The following VRTN variants were observed in gnomAD, a reference collection of about 807,000 sequenced individuals.
VRTN encodes vertebrae development associated.
In VRTN, 5 loss-of-function variants were observed where a neutral mutation model predicts 18.2. The ratio of observed to expected loss-of-function variants is 0.27; its 90% CI spans 0.14 to 0.58. VRTN has a LOEUF of 0.58. VRTN is among the 20% of genes least tolerant of loss of function. VRTN has a pLI of 0.91. For missense variants in VRTN, 741 were observed against 939.4 expected (o/e 0.79, Z 2.76); for synonymous variants, 381 against 393.7 (o/e 0.97, Z 0.38).
At chr14:74,351,105 G>C (rs549557907) in intron 1 of VRTN, among the ~76,000 whole-genome samples, 1 of 152,292 alleles carries the variant, frequency 6.6e-6, no homozygotes, top group Admixed American at 6.5e-5. Flanking sequence ...TTGTAAAATA[G>C]CATTCAACAA....
intron 1 of VRTN, among the ~76,000 whole-genome samples, chr14:74,335,418 C>T (rs1356602854): frequency 3.3e-5 from 5 of 152,172 alleles, no homozygotes; most frequent in African/African-American, 1.2e-4. Context: ...GGTCCAAGTA[C>T]ATACCTCTCT....
Position 74,312,265 on chromosome 14 carries a change from T to C in VRTN, c.-164+9089T>C, listed in dbSNP as rs370642176. Among the ~76,000 whole-genome samples the C allele has an allele frequency of 2.0e-5, 3 of 152,198 alleles. No homozygotes were observed. In the East Asian group the frequency reaches 5.8e-4, roughly 29 times the overall value. The stretch of plus-strand genomic sequence containing the variant: ...GCTGCAATTAACATCTTTGGATATA[T>C]CCCAAATATAGCTAAGTTTAAAAGA... On this transcript the variant is annotated intron_variant, in intron 1 of 2. Transcript: ENST00000557177.
At chr14:74,314,394 CTT>C (rs10676222) in intron 1 of VRTN, among the ~76,000 whole-genome samples, 9 of 108,760 alleles carry the variant, frequency 8.3e-5, no homozygotes, top group East Asian at 2.8e-4. Flanking sequence ...AAAAACTGTT[CTT>C]TTTTTTTTTT....
At chr14:74,331,700 C>T (rs1408919986) in intron 1 of VRTN, among the ~76,000 whole-genome samples, 1 of 149,072 alleles carries the variant, frequency 6.7e-6, no homozygotes, top group Non-Finnish European at 1.5e-5. Flanking sequence ...AATTTTAGTG[C>T]CTGCAGAATA....
chr14:74,316,372 C>CACTAG (rs1210350609), intron 1 of VRTN, among the ~76,000 whole-genome samples: 1 of 151,686 alleles, frequency 6.6e-6, no homozygotes, highest in Non-Finnish European at 1.5e-5. Context: ...AAAAATTAGC[C>CACTAG]AGGTGTGTCG....
At chr14:74,340,530 A>G (rs2085597680) in intron 2 of VRTN, among the ~76,000 whole-genome samples, 1 of 152,154 alleles carries the variant, frequency 6.6e-6, no homozygotes, top group African/African-American at 2.4e-5. Context: ...GGCGTGAGCC[A>G]CCATACCCGG....
chr14:74,356,186 AT>A (rs1056025422), intron 1 of VRTN, among the ~76,000 whole-genome samples: 18 of 147,990 alleles, frequency 1.2e-4, no homozygotes, highest in Middle Eastern at 3.8e-3. Flanking sequence ...TATTTTATTA[AT>A]TTTTTTTTCC....
chr14:74,356,912 C>T lies in VRTN; in HGVS notation c.129C>T (p.Leu43=). The T allele has an allele frequency of 6.2e-7, 1 of 1,614,056 alleles. No homozygotes were observed. Among genetic ancestry groups the T allele is most frequent in the African/African-American group, 1.3e-5 (1 of 75,030 alleles). Residue 43 remains leucine (L), a synonymous_variant, in exon 2 of 2, where the codon CTC becomes CTT. Coordinates refer to ENST00000256362, the MANE Select transcript of VRTN (RefSeq NM_018228.3). ...AGCAGGTCCTGTCTTCCTTCACTCT[C>T]CCCACCTGCCGGGAGGGAGGCCCTG... ...EAKQVLSSFT[L]PTCREGGPGL...
Position 74,357,394 on chromosome 14 carries a change from G to A in VRTN, c.611G>A (p.Arg204His), listed in dbSNP as rs1382404427. The A allele has an allele frequency of 1.1e-5, 18 of 1,613,290 alleles. No individual in the cohort carries two copies. Among genetic ancestry groups the A allele is most frequent in the Non-Finnish European group, 1.4e-5 (17 of 1,180,004 alleles). The change falls in exon 2 of 2, where the codon CGT becomes CAT. Residue 204 changes from arginine to histidine, a missense_variant. By Grantham distance (29) the Arg-to-His change is conservative. Coordinates refer to ENST00000256362, the MANE Select transcript of VRTN (RefSeq NM_018228.3). The surrounding 1 kb of genome is among the most constrained non-coding windows in gnomAD (Gnocchi z 7.8). ...RNLKIRPYFN[R>H]VIRPRRCDHV... ...CTCAAGATCCGGCCCTACTTCAACC[G>A]TGTCATCCGGCCCCGCCGCTGCGAC...
chr14:74,340,307 T>C (rs1178570200), intron 2 of VRTN, among the ~76,000 whole-genome samples: 1 of 152,188 alleles, frequency 6.6e-6, no homozygotes, highest in Non-Finnish European at 1.5e-5. Context: ...AGACGGTGTT[T>C]CTCCATGTTG....
At chr14:74,324,408 AGAAGG>A (rs2085475530) in intron 1 of VRTN, among the ~76,000 whole-genome samples, 2 of 112,490 alleles carry the variant, frequency 1.8e-5, no homozygotes, top group Non-Finnish European at 3.9e-5. Context: ...AAAAAAAAAA[AGAAGG>A]ATTTATTTTA....
chr14:74,311,451 C>T (rs543531782), intron 1 of VRTN, among the ~76,000 whole-genome samples: 2 of 149,814 alleles, frequency 1.3e-5, no homozygotes, highest in South Asian at 2.1e-4. Context: ...GACAGACTCT[C>T]ATTCTGTTGT....
intron 1 of VRTN, among the ~76,000 whole-genome samples, chr14:74,330,418 G>T (rs1428162082): frequency 6.6e-6 from 1 of 150,830 alleles, no homozygotes; most frequent in African/African-American, 2.4e-5. Context: ...GTTAGTTGAA[G>T]TATAGCCCTT....
chr14:74,336,361 T>G (rs1432310240), intron 1 of VRTN, among the ~76,000 whole-genome samples: 2 of 151,890 alleles, frequency 1.3e-5, no homozygotes, highest in Non-Finnish European at 2.9e-5. Flanking sequence ...TAGCCGAGAT[T>G]GCACCATTGC....
intron 1 of VRTN, among the ~76,000 whole-genome samples, chr14:74,329,334 A>C (rs1295895687): frequency 1.3e-5 from 2 of 151,400 alleles, no homozygotes; most frequent in African/African-American, 4.9e-5. Context: ...CTGCAGTGGC[A>C]TCTTCCAGGG....
upstream of VRTN, among the ~76,000 whole-genome samples, chr14:74,343,624 C>A (rs1037894133): frequency 6.6e-6 from 1 of 152,150 alleles, no homozygotes; most frequent in Non-Finnish European, 1.5e-5. Flanking sequence ...CCATAAATCA[C>A]GCCCATGCAT....
upstream of VRTN, among the ~76,000 whole-genome samples, chr14:74,347,820 G>A (rs1373362189): frequency 6.6e-6 from 1 of 152,228 alleles, no homozygotes; most frequent in Non-Finnish European, 1.5e-5. Flanking sequence ...CCCTGGGATA[G>A]GCCCCCTGGC....
chr14:74,304,481 G>C (rs775314157), intron 1 of VRTN, among the ~76,000 whole-genome samples: 1 of 152,136 alleles, frequency 6.6e-6, no homozygotes, highest in Non-Finnish European at 1.5e-5. Context: ...GAAGTGCTAT[G>C]ACAAACATAC....
At chr14:74,306,168 A>ATATG (rs1555410021) in intron 1 of VRTN, 2 of 69,214 alleles carry the variant, frequency 2.9e-5, no homozygotes, top group Admixed American at 3.3e-4. Flanking sequence ...ATATATATAT[A>ATATG]TATATTTTTT....
Sources: gnomAD v4.1 joint callset for allele counts (sites outside exome capture counted in the v4.1 genomes callset) on GRCh38, gnomAD v4.1.1 for gene constraint, Gnocchi (gnomAD v3.1) non-coding constraint, MANE v1.5 for transcripts, NCBI Gene and HGNC (gene_info 2026-07-23, HGNC 2026-07-21) for gene names.